Variants in TASOR observed in about 807,000 individuals in gnomAD.
The protein encoded by TASOR is protein TASOR.
In TASOR, 53 loss-of-function variants were observed where a neutral mutation model predicts 178.6. The observed-to-expected ratio is 0.30, with a 90% CI of 0.24 to 0.37. The LOEUF (loss-of-function observed/expected upper bound fraction) is 0.37. Among genes scored for constraint, TASOR ranks in the 10% least tolerant of loss-of-function variants. TASOR has a pLI of 1.00. For synonymous variants in TASOR, 713 were observed against 696.2 expected (o/e 1.02, Z -0.38); for missense variants, 1,815 against 1,971.4 (o/e 0.92, Z 1.50).
At position 56,624,879 on chromosome 3, in the gene TASOR, TAAGGC is replaced by T; in HGVS notation, c.4262_4266del (p.Cys1421TyrfsTer30). On this transcript the variant is annotated frameshift_variant, in exon 22 of 24. Coordinates refer to ENST00000683822, the MANE Select transcript of TASOR (RefSeq NM_001365635.2). LOFTEE classifies it high-confidence loss of function. Reference sequence around the variant, plus strand: ...TGTATGTTCTGAGCCTGAAGTCTGATAAGGCAATCCAATTCTGGAGCATTTCGAGT... The same window carrying T: ...TGTATGTTCTGAGCCTGAAGTCTGATAATCCAATTCTGGAGCATTTCGAGT... 1 of 1,614,216 alleles carries T rather than the reference TAAGGC, an allele frequency of 6.2e-7. No homozygotes were observed. Among genetic ancestry groups the T allele is most frequent in the Middle Eastern group, 1.6e-4 (1 of 6,062 alleles).
intron 11 of TASOR, among the ~76,000 whole-genome samples, chr3:56,656,502 A>C (rs1253820575): frequency 6.6e-6 from 1 of 152,054 alleles, no homozygotes; most frequent in East Asian, 1.9e-4. Context: ...GAGGCAGGAG[A>C]ATTCCTTGAA....
rs926380830 is a variant in TASOR at position 56,682,943 on chromosome 3, C to T, written c.64G>A (p.Gly22Ser). The T allele has an allele frequency of 1.3e-6, 2 of 1,549,828 alleles. No homozygotes were observed. The highest frequency in any genetic ancestry group is 2.4e-5 in the East Asian group (1 of 40,880). The stretch of plus-strand genomic sequence containing the variant: ...GCCTGCTTCATCTCGTCGTCTCCGC[C>T]GCCGCCACTTTCCCAACTCGCATCC... ...PTDASWESGG[G>S]GDDEMKQALP... is the part of the protein sequence containing the mutation. The change falls in exon 1 of 24, where the codon GGC (glycine) becomes AGC (serine). Residue 22 changes from glycine (G) to serine (S), a missense_variant. By Grantham distance (56) the Gly-to-Ser change is moderately conservative. This residue lies in a region of TASOR where 244 missense variants were observed against 202.7 expected (regional missense o/e 1.20). Transcript: ENST00000683822.
intron 11 of TASOR, among the ~76,000 whole-genome samples, chr3:56,655,943 G>A (rs1052589627): frequency 1.3e-5 from 2 of 152,184 alleles, no homozygotes; most frequent in African/African-American, 4.8e-5. Flanking sequence ...ATGGAAGTGA[G>A]GCTGATGACA....
At chr3:56,673,463 T>G in intron 2 of TASOR, 117 bp downstream of exon 2, 3 of 744,848 alleles carry the variant, frequency 4.0e-6, no homozygotes, top group Non-Finnish European at 5.9e-6. Flanking sequence ...AAAAAACTTG[T>G]TTTCCCTTTG....
At chr3:56,627,487 A>T in intron 20 of TASOR, 95 bp downstream of exon 20, 3 of 1,310,988 alleles carry the variant, frequency 2.3e-6, no homozygotes, top group Admixed American at 1.9e-5. Context: ...ACTGAAATGT[A>T]CTAGTTATCT....
intron 6 of TASOR, 56 bp from the exon 7 acceptor site, chr3:56,666,440 T>C (rs776187992): frequency 2.6e-4 from 340 of 1,298,144 alleles, no homozygotes; most frequent in Non-Finnish European, 3.0e-4. Context: ...TGAAACCTTA[T>C]ATTTAACTGC....
At chr3:56,626,009 T>A (rs1419252708) in intron 21 of TASOR, among the ~76,000 whole-genome samples, 1 of 152,214 alleles carries the variant, frequency 6.6e-6, no homozygotes, top group Non-Finnish European at 1.5e-5. Flanking sequence ...AATTAAATAC[T>A]CAAAAATTAT....
Position 56,633,081 on chromosome 3 carries a change from T to A in TASOR, c.3710A>T (p.His1237Leu). ...ACAGAGCACACTCTCTTCTTCTTCA[T>A]GAATATAAAATTTCACAGTATTTTT... ...VQKNTVKFYIHEEEESVLCKE... is the reference protein window; with the variant it reads ...VQKNTVKFYILEEEESVLCKE... Residue 1237 changes from histidine (H) to leucine (L), a missense_variant, in exon 18 of 24, where the codon CAT (histidine) becomes CTT (leucine). Physicochemically the swap from His to Leu is moderately conservative, Grantham distance 99. Transcript: ENST00000683822. The A allele has an allele frequency of 6.2e-7, 1 of 1,606,912 alleles. No individual in the cohort carries two copies. Among genetic ancestry groups the A allele is most frequent in the Non-Finnish European group, 8.5e-7 (1 of 1,177,762 alleles).
intron 1 of TASOR, among the ~76,000 whole-genome samples, chr3:56,674,508 C>CAAAAAT (rs1429448515): frequency 6.6e-6 from 1 of 151,864 alleles, no homozygotes; most frequent in Non-Finnish European, 1.5e-5. Flanking sequence ...GACCCTGTCT[C>CAAAAAT]AAAAATAAAA....
At position 56,623,020 on chromosome 3, in the gene TASOR, A is replaced by G; in HGVS notation, c.*17T>C. 1.4e-6 allele frequency: 2 copies of G among 1,477,174 alleles called. No individual in the cohort carries two copies. The highest frequency in any genetic ancestry group is 1.8e-6 in the Non-Finnish European group (2 of 1,110,260). 91.5% of individuals were successfully genotyped at this position (1,477,174 alleles called of 1,614,324 possible). A position where few individuals can be genotyped will look rare whatever the true frequency, so the allele number is the denominator to read the frequency against. ...AACAAAGTCCACAACAATCTCTTAA[A>G]AAAAAAGTTACTACAGTTATTTCTC... On this transcript the variant is annotated 3_prime_UTR_variant, in exon 24 of 24. Transcript: ENST00000683822.
At chr3:56,636,945 G>A (rs2077029764) in intron 17 of TASOR, among the ~76,000 whole-genome samples, 1 of 151,944 alleles carries the variant, frequency 6.6e-6, no homozygotes, top group Non-Finnish European at 1.5e-5. Flanking sequence ...AGGCCAAGGT[G>A]GGCAGATCAC....
Position 56,633,166 on chromosome 3 carries a change from T to A in TASOR, c.3625A>T (p.Ile1209Leu). 6.2e-7 allele frequency: 1 copy of A among 1,614,222 alleles called. No individual in the cohort carries two copies. The highest frequency in any genetic ancestry group is 8.5e-7 in the Non-Finnish European group (1 of 1,180,038). Residue 1209 changes from isoleucine (I) to leucine (L), a missense_variant, in exon 18 of 24, where the codon ATA (isoleucine) becomes TTA (leucine). Physicochemically the swap from Ile to Leu is conservative, Grantham distance 5 (BLOSUM62 2). Coordinates refer to ENST00000683822, the MANE Select transcript of TASOR (RefSeq NM_001365635.2). ...AATACTTCAGGTTCTAACTGGCTTA[T>A]AAAATTTGAAAGAGCTGGTTGAGCA... ...ISAQPALSNF[I>L]SQLEPEVFNS...
rs911414951 is a variant in TASOR, at chr3:56,622,804, A to T, written c.*233T>A. ...TTCAATTTGAAGCCTAAGTACAGGT[A>T]ACATACAAAAAGTAAAACTTAGAAG... On this transcript the variant is annotated 3_prime_UTR_variant, in exon 24 of 24. Transcript: ENST00000683822. 6.7e-6 allele frequency: 2 copies of T among 297,750 alleles called. No homozygotes were observed. The highest frequency in any genetic ancestry group is 1.2e-5 in the Non-Finnish European group (2 of 165,138). 18.4% of individuals were successfully genotyped at this position (297,750 alleles called of 1,614,324 possible). A position where few individuals can be genotyped will look rare whatever the true frequency, so the allele number is the denominator to read the frequency against.
At chr3:56,623,781 T>C (rs1339743547) in intron 23 of TASOR, 1 of 1,551,032 alleles carries the variant, frequency 6.4e-7, no homozygotes, top group Admixed American at 2.0e-5. Context: ...GCGAAATGTG[T>C]TCACGTTTAA....
At chr3:56,647,614 T>A (rs2077262481) in intron 13 of TASOR, among the ~76,000 whole-genome samples, 1 of 152,208 alleles carries the variant, frequency 6.6e-6, no homozygotes, top group South Asian at 2.1e-4. Flanking sequence ...CATCTCTTCC[T>A]CTTATAAAGT....
intron 13 of TASOR, among the ~76,000 whole-genome samples, chr3:56,647,753 T>C (rs776637713): frequency 2.6e-5 from 4 of 152,260 alleles, no homozygotes; most frequent in Non-Finnish European, 5.9e-5. Flanking sequence ...TTAAAGTTCA[T>C]TCTTAGAAAA....
chr3:56,623,020 A>T lies in TASOR; in HGVS notation c.*17T>A. 1 of 1,477,174 alleles carries T rather than the reference A, an allele frequency of 6.8e-7. No homozygotes were observed. 91.5% of individuals were successfully genotyped at this position (1,477,174 alleles called of 1,614,324 possible). On this transcript the variant is annotated 3_prime_UTR_variant, in exon 24 of 24. Coordinates refer to ENST00000683822, the MANE Select transcript of TASOR (RefSeq NM_001365635.2). ...AACAAAGTCCACAACAATCTCTTAA[A>T]AAAAAAGTTACTACAGTTATTTCTC...
chr3:56,636,375 T>C (rs930057867), intron 17 of TASOR, among the ~76,000 whole-genome samples: 1 of 151,776 alleles, frequency 6.6e-6, no homozygotes, highest in Non-Finnish European at 1.5e-5. Flanking sequence ...CAATCCATAA[T>C]AAAGCTTTTG....
intron 13 of TASOR, among the ~76,000 whole-genome samples, chr3:56,648,075 G>A (rs983150960): frequency 7.9e-5 from 12 of 152,040 alleles, no homozygotes; most frequent in Non-Finnish European, 1.3e-4. Context: ...CTGTGCTGGC[G>A]CACGCCTGTA....
Sources: allele counts gnomAD v4.1 joint callset (sites outside exome capture counted in the v4.1 genomes callset), GRCh38; gene constraint gnomAD v4.1.1; regional missense constraint gnomAD v4.1.1; transcripts MANE v1.5; gene names NCBI Gene and HGNC (gene_info 2026-07-23, HGNC 2026-07-21).